The following SLC9A9 variants were observed in gnomAD, a reference collection of about 807,000 sequenced individuals.
SLC9A9 encodes solute carrier family 9 member A9, also known as sodium/hydrogen exchanger 9.
Under a neutral mutation model 77.8 loss-of-function variants are expected in SLC9A9, and 62 were observed. The ratio of observed to expected loss-of-function variants is 0.80; its 90% CI spans 0.65 to 0.98. SLC9A9 has a LOEUF of 0.98. Among genes scored for constraint, SLC9A9 ranks in the 50% least tolerant of loss-of-function variants. The pLI is 0.00. For missense variants in SLC9A9, 775 were observed against 774.9 expected, an observed-to-expected ratio of 1.00 and a Z score of 0.00; for synonymous variants, 320 against 283.5, an observed-to-expected ratio of 1.13 and a Z score of -1.29.
At chr3:143,558,823 T>C (rs764240907) in intron 8 of SLC9A9, among the ~76,000 whole-genome samples, 4 of 152,038 alleles carry the variant, frequency 2.6e-5, no homozygotes, top group African/African-American at 4.8e-5. Flanking sequence ...AAGGGCATGA[T>C]TGTGTTTTGA....
intron 9 of SLC9A9, among the ~76,000 whole-genome samples, chr3:143,531,824 G>A (rs918620773): frequency 1.3e-5 from 2 of 149,822 alleles, no homozygotes; most frequent in African/African-American, 4.9e-5. Flanking sequence ...ATGACTTATT[G>A]ACCTCTGAGA....
intron 13 of SLC9A9, among the ~76,000 whole-genome samples, chr3:143,370,035 C>A (rs1360531088): frequency 6.6e-6 from 1 of 152,200 alleles, no homozygotes; most frequent in Non-Finnish European, 1.5e-5. Flanking sequence ...TTGACTGCAA[C>A]CTCATGAAAG....
At chr3:143,820,001 A>G (rs1486070278) in intron 2 of SLC9A9, among the ~76,000 whole-genome samples, 1 of 152,164 alleles carries the variant, frequency 6.6e-6, no homozygotes, top group Admixed American at 6.5e-5. Context: ...TTGCAAGTCC[A>G]TTGCTTTGTT....
Position 143,679,718 on chromosome 3 carries a change from C to T in SLC9A9, c.649+13474G>A, listed in dbSNP as rs550189647. On this transcript the variant is annotated intron_variant, in intron 5 of 15. Coordinates refer to ENST00000316549, the MANE Select transcript of SLC9A9 (RefSeq NM_173653.4). ...CGTATTGCCAATTCAATAGTTGATACTCCTAAAGGAACATGAGCAAAAGTG... is the reference window on the plus strand; with the variant it reads ...CGTATTGCCAATTCAATAGTTGATATTCCTAAAGGAACATGAGCAAAAGTG... Among the ~76,000 whole-genome samples, 7 of 152,214 alleles carry T rather than the reference C, an allele frequency of 4.6e-5. No homozygotes were observed. In the South Asian group the frequency reaches 1.5e-3, roughly 32 times the overall value.
intron 4 of SLC9A9, among the ~76,000 whole-genome samples, chr3:143,791,198 C>T (rs2008213737): frequency 6.6e-6 from 1 of 152,198 alleles, no homozygotes; most frequent in Non-Finnish European, 1.5e-5. Context: ...TAGGTGAATT[C>T]TTTCCGAGCA....
chr3:143,423,020 G>A (rs1215422256), intron 12 of SLC9A9, among the ~76,000 whole-genome samples: 3 of 152,028 alleles, frequency 2.0e-5, no homozygotes, highest in South Asian at 2.1e-4. Context: ...CTAGTGGCAC[G>A]CAATATAGTA....
At chr3:143,551,790 A>G (rs1576572027) in intron 9 of SLC9A9, among the ~76,000 whole-genome samples, 1 of 152,274 alleles carries the variant, frequency 6.6e-6, no homozygotes, top group East Asian at 1.9e-4. Flanking sequence ...GCCATAAACT[A>G]TCTGTTCTTG....
chr3:143,266,997 T>TC, intron 15 of SLC9A9, 68 bp from the exon 16 acceptor site: 1 of 1,351,818 alleles, frequency 7.4e-7, no homozygotes, highest in East Asian at 2.5e-5. Context: ...GTCCTACAAT[T>TC]TTTTTTTTTT....
chr3:143,826,591 TAGAG>T (rs992419146), intron 2 of SLC9A9, among the ~76,000 whole-genome samples: 1 of 152,192 alleles, frequency 6.6e-6, no homozygotes, highest in African/African-American at 2.4e-5. Flanking sequence ...TGACTACAAA[TAGAG>T]AGGGCATTAC....
At chr3:143,336,492 T>A (rs1177965895) in intron 14 of SLC9A9, among the ~76,000 whole-genome samples, 1 of 152,182 alleles carries the variant, frequency 6.6e-6, no homozygotes, top group Non-Finnish European at 1.5e-5. Context: ...GAAGCCCATA[T>A]GCTCATCAGT....
At chr3:143,710,002 G>C (rs773489892) in intron 4 of SLC9A9, among the ~76,000 whole-genome samples, 4 of 152,186 alleles carry the variant, frequency 2.6e-5, no homozygotes, top group Non-Finnish European at 5.9e-5. Context: ...ATTTTAAAAA[G>C]TGGTAAAGAG....
rs191167934 is a variant in SLC9A9 at position 143,601,671 on chromosome 3, G to A, written c.756-22948C>T. Among the ~76,000 whole-genome samples the A allele has an allele frequency of 1.7e-4, 26 of 152,294 alleles. No individual in the cohort carries two copies. In the East Asian group the frequency reaches 4.6e-3, roughly 27 times the overall value. ...CTCCCACCTCTGGTGCCAACTCAGC[G>A]CTGCAGATTTCAAATAAATCATTGC... On this transcript the variant is annotated intron_variant, in intron 6 of 15. Coordinates refer to ENST00000316549, the MANE Select transcript of SLC9A9 (RefSeq NM_173653.4).
chr3:143,640,847 G>C (rs58563012), intron 6 of SLC9A9, among the ~76,000 whole-genome samples: 3 of 152,072 alleles, frequency 2.0e-5, no homozygotes, highest in African/African-American at 4.8e-5. Context: ...GTGAGACCTT[G>C]TCTCAAAAAC....
chr3:143,783,868 G>T (rs2007961544), intron 4 of SLC9A9, among the ~76,000 whole-genome samples: 1 of 152,176 alleles, frequency 6.6e-6, no homozygotes, highest in Admixed American at 6.5e-5. Context: ...AAAGGCCATA[G>T]GGCATAGCTT....
At chr3:143,344,502 T>C (rs1325234125) in intron 14 of SLC9A9, 1 of 152,210 alleles carries the variant, frequency 6.6e-6, no homozygotes, top group African/African-American at 2.4e-5. Flanking sequence ...TCCAATATGA[T>C]GATGCCCATT....
At chr3:143,413,648 G>C (rs1307696579) in intron 12 of SLC9A9, among the ~76,000 whole-genome samples, 1 of 152,194 alleles carries the variant, frequency 6.6e-6, no homozygotes, top group African/African-American at 2.4e-5. Flanking sequence ...TGTCAGCTCT[G>C]TCCTTGACCT....
At chr3:143,382,607 G>C (rs1250403107) in intron 12 of SLC9A9, among the ~76,000 whole-genome samples, 2 of 152,076 alleles carry the variant, frequency 1.3e-5, no homozygotes, top group Non-Finnish European at 2.9e-5. Flanking sequence ...ATACAATTTG[G>C]GGGCTCTCTC....
At chr3:143,573,605 T>A (rs1200502253) in intron 8 of SLC9A9, among the ~76,000 whole-genome samples, 2 of 152,262 alleles carry the variant, frequency 1.3e-5, no homozygotes, top group African/African-American at 4.8e-5. Flanking sequence ...CCACCACATT[T>A]GCTGTTTGTT....
intron 4 of SLC9A9, among the ~76,000 whole-genome samples, chr3:143,781,481 G>A (rs1560076412): frequency 3.3e-5 from 5 of 152,238 alleles, no homozygotes; most frequent in African/African-American, 2.4e-5. Flanking sequence ...TTTCTCATAC[G>A]TTGTAGAACT....
Sources: gnomAD v4.1 joint callset for allele counts (sites outside exome capture counted in the v4.1 genomes callset) on GRCh38, gnomAD v4.1.1 for gene constraint, MANE v1.5 for transcripts, NCBI Gene and HGNC (gene_info 2026-07-23, HGNC 2026-07-21) for gene names.